The following MRPS18A variants were observed in gnomAD, a reference collection of about 807,000 sequenced individuals.
MRPS18A encodes the protein mitochondrial ribosomal protein S18A.
A neutral mutation model predicts 22.7 loss-of-function variants in MRPS18A; 20 were observed. The ratio of observed to expected loss-of-function variants is 0.88; its 90% CI spans 0.62 to 1.28. The LOEUF is 1.28. Among genes scored for constraint, MRPS18A ranks in the 50% most tolerant of loss-of-function variants. MRPS18A has a pLI of 0.00. For missense variants in MRPS18A, 294 were observed against 262.6 expected (o/e 1.12, Z -0.83); for synonymous variants, 106 against 99.1 (o/e 1.07, Z -0.41).
At chr6:43,680,765 C>T (rs752541392) in intron 2 of MRPS18A, among the ~76,000 whole-genome samples, 11 of 152,208 alleles carry the variant, frequency 7.2e-5, no homozygotes, top group East Asian at 1.9e-4. Context: ...GCTCTCTAGG[C>T]GTGCAACAAT....
At position 43,671,337 on chromosome 6, in the gene MRPS18A, A is replaced by G; in HGVS notation, c.*425T>C. On this transcript the variant is annotated 3_prime_UTR_variant, in exon 6 of 6. Transcript: ENST00000372133. ...AGGATGGGACCTGTTTGGCCCATGA[A>G]TTCAATTGACTCATTGGCCCCATCA... The G allele has an allele frequency of 2.5e-6, 1 of 405,272 alleles. No homozygotes were observed. Among genetic ancestry groups the G allele is most frequent in the Non-Finnish European group, 4.5e-6 (1 of 219,834 alleles). 25.1% of individuals were successfully genotyped at this position (405,272 alleles called of 1,614,324 possible). A position where few individuals can be genotyped will look rare whatever the true frequency, so the allele number is the denominator to read the frequency against.
At chr6:43,672,119 G>A (rs1319738402) in intron 5 of MRPS18A, 7 of 623,342 alleles carry the variant, frequency 1.1e-5, no homozygotes, top group African/African-American at 1.1e-4. Flanking sequence ...AAGCCTGTGT[G>A]GCCAGGTTCA....
rs750835272 is a variant in MRPS18A, at chr6:43,685,367, C to T, written c.112+2301G>A. Among the ~76,000 whole-genome samples, 10 of 152,268 alleles carry T rather than the reference C, an allele frequency of 6.6e-5. No individual in the cohort carries two copies. In the East Asian group the frequency reaches 7.7e-4, roughly 12 times the overall value. On this transcript the variant is annotated intron_variant, in intron 1 of 5. Coordinates refer to ENST00000372133, the MANE Select transcript of MRPS18A (RefSeq NM_018135.4). ...CTCTCTGGTCAAACTTTAAACCAGG[C>T]TTTCTCAACAGCAGCAGGACTGCCA... is the stretch of plus-strand genomic sequence containing the variant.
chr6:43,674,064 G>A (rs1033867878), intron 5 of MRPS18A, among the ~76,000 whole-genome samples: 4 of 152,240 alleles, frequency 2.6e-5, no homozygotes, highest in African/African-American at 9.6e-5. Flanking sequence ...CTCCCCAAGA[G>A]CTGCTGGCAG....
rs1372438213 is a variant in MRPS18A, at chr6:43,673,051, G to A, written c.447-1145C>T. ...TGCCCAAGCTGGAGTGCAGTGGCGC[G>A]ATCTCGGCTCACTGCAACTTCCGCC... On this transcript the variant is annotated intron_variant, in intron 5 of 5. Transcript: ENST00000372133. This position sits in a 1 kb window ranked among gnomAD's most constrained non-coding sequence, Gnocchi z 4.2. Among the ~76,000 whole-genome samples, 2 of 150,172 alleles carry A rather than the reference G, an allele frequency of 1.3e-5. No individual in the cohort carries two copies. The highest frequency in any genetic ancestry group is 2.5e-5 in the African/African-American group (1 of 40,646).
intron 1 of MRPS18A, among the ~76,000 whole-genome samples, chr6:43,682,037 C>T (rs1774447808): frequency 1.3e-5 from 2 of 152,214 alleles, no homozygotes; most frequent in African/African-American, 2.4e-5. Flanking sequence ...TACAGTGGCT[C>T]ACGCCTGTAA....
At chr6:43,681,198 A>G in intron 1 of MRPS18A, 78 bp from the exon 2 acceptor site, 1 of 1,450,196 alleles carries the variant, frequency 6.9e-7, no homozygotes, top group Non-Finnish European at 9.6e-7. Context: ...CTCAAATTCT[A>G]CACATCTGGA....
At chr6:43,687,255 A>T (rs1246587740) in intron 1 of MRPS18A, among the ~76,000 whole-genome samples, 4 of 152,118 alleles carry the variant, frequency 2.6e-5, no homozygotes, top group African/African-American at 9.7e-5. Flanking sequence ...GCATTTTGAG[A>T]AGGGAAAGTG....
chr6:43,681,078 A>G lies in MRPS18A; in HGVS notation c.144+11T>C. The G allele has an allele frequency of 1.9e-6, 3 of 1,613,360 alleles. No homozygotes were observed. Among genetic ancestry groups the G allele is most frequent in the African/African-American group, 1.3e-5 (1 of 75,048 alleles). On this transcript the variant is annotated intron_variant, in intron 2 of 5. Coordinates refer to ENST00000372133, the MANE Select transcript of MRPS18A (RefSeq NM_018135.4). ...AAAGAGGTTATACATGGCCAACTCA[A>G]CGATACTTACTATAGTTGTCTTCCC...
rs1226172545 is a variant in MRPS18A at position 43,678,511 on chromosome 6, G to C, written c.252+7C>G. The C allele has an allele frequency of 6.3e-7, 1 of 1,596,756 alleles. No individual in the cohort carries two copies. The highest frequency in any genetic ancestry group is 8.6e-7 in the Non-Finnish European group (1 of 1,164,544). On this transcript the variant is annotated splice_region_variant and intron_variant, in intron 3 of 5. Transcript: ENST00000372133. ...ACAGAACCGAGTGTCTCTGTACCCA[G>C]ACTCACGTCATAGTTATACTTGTGC...
At position 43,671,586 on chromosome 6, in the gene MRPS18A, A is replaced by G. The variant is rs544271938; in HGVS notation, c.*176T>C. On this transcript the variant is annotated 3_prime_UTR_variant, in exon 6 of 6. Coordinates refer to ENST00000372133, the MANE Select transcript of MRPS18A (RefSeq NM_018135.4). ...CCTGCCTCTAGCTCCCAGCATTGCTACTGTGCAGGCCAAGGGTACTGAAGT... is the reference window on the plus strand; with the variant it reads ...CCTGCCTCTAGCTCCCAGCATTGCTGCTGTGCAGGCCAAGGGTACTGAAGT... 2.5e-4 allele frequency: 175 copies of G among 700,146 alleles called. 1 individual carries two copies. The African/African-American group carries it at 2.9e-3, about 12-fold the overall frequency. 43.4% of individuals were successfully genotyped at this position (700,146 alleles called of 1,614,324 possible).
At chr6:43,685,120 G>A (rs1223693292) in intron 1 of MRPS18A, among the ~76,000 whole-genome samples, 1 of 152,186 alleles carries the variant, frequency 6.6e-6, no homozygotes, top group Non-Finnish European at 1.5e-5. Flanking sequence ...TATTAGACAG[G>A]TGATGCTGGG....
At chr6:43,674,688 T>C (rs16896636) in intron 5 of MRPS18A, among the ~76,000 whole-genome samples, 4 of 152,202 alleles carry the variant, frequency 2.6e-5, no homozygotes, top group Non-Finnish European at 4.4e-5. Context: ...GTATGAACTC[T>C]GGGCCTCCTA....
chr6:43,687,141 C>T (rs1774749516), intron 1 of MRPS18A, among the ~76,000 whole-genome samples: 2 of 152,216 alleles, frequency 1.3e-5, no homozygotes, highest in African/African-American at 2.4e-5. Flanking sequence ...AACTACCATC[C>T]TGCATTTGCC....
intron 1 of MRPS18A, among the ~76,000 whole-genome samples, chr6:43,683,131 G>A (rs1163078696): frequency 6.6e-6 from 1 of 152,088 alleles, no homozygotes; most frequent in African/African-American, 2.4e-5. Flanking sequence ...AAATCCTGAA[G>A]TCATCCCACT....
intron 5 of MRPS18A, chr6:43,672,709 A>G (rs747316978): frequency 1.1e-5 from 2 of 182,754 alleles, no homozygotes; most frequent in South Asian, 9.6e-5. Context: ...GAGACCATCA[A>G]AGAAAAAGCT....
At chr6:43,685,648 T>A (rs1418971050) in intron 1 of MRPS18A, among the ~76,000 whole-genome samples, 1 of 152,252 alleles carries the variant, frequency 6.6e-6, no homozygotes, top group Non-Finnish European at 1.5e-5. Context: ...TATTATCTGA[T>A]ACTTTGAAAA....
Position 43,673,222 on chromosome 6 carries a change from A to C in MRPS18A, c.447-1316T>G, listed in dbSNP as rs184777585. 1.8e-4 allele frequency among the ~76,000 whole-genome samples: 27 copies of C among 152,066 alleles called. No individual in the cohort carries two copies. In the East Asian group the frequency reaches 4.8e-3, roughly 27 times the overall value. On this transcript the variant is annotated intron_variant, in intron 5 of 5. Coordinates refer to ENST00000372133, the MANE Select transcript of MRPS18A (RefSeq NM_018135.4). This position sits in a 1 kb window ranked among gnomAD's most constrained non-coding sequence, Gnocchi z 4.2. Reference sequence around the variant, plus strand: ...AGGCTGGTCTTGAACTCCTGACCTCAAGTGATCCGCCCGCCTCGGCCTCCC... The same window carrying C: ...AGGCTGGTCTTGAACTCCTGACCTCCAGTGATCCGCCCGCCTCGGCCTCCC...
At chr6:43,675,171 G>A (rs752504057) in intron 5 of MRPS18A, 31 bp downstream of exon 5, 53 of 1,497,254 alleles carry the variant, frequency 3.5e-5, no homozygotes, top group Admixed American at 9.3e-5. Flanking sequence ...AGCGCAGAAC[G>A]CTCAGGTTGT....
Sources: allele counts gnomAD v4.1 joint callset (sites outside exome capture counted in the v4.1 genomes callset), GRCh38; gene constraint gnomAD v4.1.1; non-coding constraint Gnocchi (gnomAD v3.1); transcripts MANE v1.5; gene names NCBI Gene and HGNC (gene_info 2026-07-23, HGNC 2026-07-21).